NRCAM: variants seen among roughly 807,000 people sequenced by gnomAD.
NRCAM encodes neuronal cell adhesion molecule, also known as NgCAM-related cell adhesion molecule.
Under a neutral mutation model 156.5 loss-of-function variants are expected in NRCAM, and 83 were observed. That is an observed-to-expected ratio of 0.53 (90% CI 0.44 to 0.64). The LOEUF (loss-of-function observed/expected upper bound fraction) is 0.64. NRCAM is among the 30% of genes least tolerant of loss of function. NRCAM has a pLI of 0.00. For synonymous variants in NRCAM, 538 were observed against 563.9 expected, an observed-to-expected ratio of 0.95 and a Z score of 0.65; for missense variants, 1,417 against 1,597.3, an observed-to-expected ratio of 0.89 and a Z score of 1.92.
intron 13 of NRCAM, among the ~76,000 whole-genome samples, chr7:108,204,825 G>C (rs1380270170): frequency 1.3e-5 from 2 of 152,134 alleles, no homozygotes; most frequent in East Asian, 3.9e-4. Flanking sequence ...GAGACATTTA[G>C]TCCTAACTCT....
chr7:108,190,283 G>C (rs2070369354), intron 19 of NRCAM, among the ~76,000 whole-genome samples: 1 of 152,210 alleles, frequency 6.6e-6, no homozygotes, highest in Non-Finnish European at 1.5e-5. Flanking sequence ...GCATGCATAA[G>C]TGTGTTTACT....
chr7:108,227,303 T>C (rs2093632903), intron 8 of NRCAM, among the ~76,000 whole-genome samples: 1 of 152,210 alleles, frequency 6.6e-6, no homozygotes, highest in African/African-American at 2.4e-5. Context: ...TATCTTGCCT[T>C]AGGTAGGAGG....
chr7:108,200,086 GATTACC>G (rs1427583690), intron 13 of NRCAM, among the ~76,000 whole-genome samples: 1 of 152,150 alleles, frequency 6.6e-6, no homozygotes, highest in Non-Finnish European at 1.5e-5. Context: ...TCAACACTCT[GATTACC>G]ATCAGTAACT....
chr7:108,193,091 T>C (rs1242914646), intron 17 of NRCAM, among the ~76,000 whole-genome samples: 1 of 152,198 alleles, frequency 6.6e-6, no homozygotes, highest in Non-Finnish European at 1.5e-5. Context: ...GGTACAGTCA[T>C]GGCTCACTGG....
chr7:108,223,650 T>C (rs941327208), intron 11 of NRCAM, 75 bp downstream of exon 11: 2 of 702,416 alleles, frequency 2.8e-6, no homozygotes, highest in Non-Finnish European at 4.8e-6. Flanking sequence ...CCTCCTATGA[T>C]ATTATTAACC....
chr7:108,183,853 T>G (rs1052648670), intron 22 of NRCAM, among the ~76,000 whole-genome samples: 1 of 152,146 alleles, frequency 6.6e-6, no homozygotes, highest in Admixed American at 6.6e-5. Flanking sequence ...ATGATAACAC[T>G]AGCTAGCATT....
rs377052574 is a variant in NRCAM, at chr7:108,454,883, C to G, written c.-332+1360G>C. Among the ~76,000 whole-genome samples, 18 of 152,372 alleles carry G rather than the reference C, an allele frequency of 1.2e-4. No individual in the cohort carries two copies. In the East Asian group the frequency reaches 1.5e-3, roughly 13 times the overall value. ...GACTCGGAAAGGAAAAGAAAGCTTT[C>G]TTCTCAGGACAGTTCTGCGCCGGTG... On this transcript the variant is annotated intron_variant, in intron 1 of 32. Transcript: ENST00000379028.
chr7:108,455,173 C>G (rs907993867), intron 1 of NRCAM, among the ~76,000 whole-genome samples: 2 of 152,140 alleles, frequency 1.3e-5, no homozygotes, highest in African/African-American at 4.8e-5. Context: ...GGAGAAATGA[C>G]GACTCCCTTG....
intron 19 of NRCAM, among the ~76,000 whole-genome samples, chr7:108,190,608 C>A (rs767607133): frequency 6.6e-6 from 1 of 151,938 alleles, no homozygotes; most frequent in East Asian, 1.9e-4. Flanking sequence ...TTTGTATTGA[C>A]GTACTGAATA....
At chr7:108,150,787 T>C (rs746244815) in intron 32 of NRCAM, 5 of 491,968 alleles carry the variant, frequency 1.0e-5, no homozygotes, top group Middle Eastern at 3.6e-4. Context: ...ATACTGATAG[T>C]ACACAGTATT....
intron 1 of NRCAM, among the ~76,000 whole-genome samples, chr7:108,427,994 C>T (rs895580322): frequency 6.6e-6 from 1 of 152,132 alleles, no homozygotes; most frequent in Admixed American, 6.5e-5. Flanking sequence ...GATCCATGAC[C>T]TTCTAAAGTA....
intron 13 of NRCAM, among the ~76,000 whole-genome samples, chr7:108,206,535 A>T (rs781055218): frequency 6.6e-6 from 1 of 152,130 alleles, no homozygotes; most frequent in Non-Finnish European, 1.5e-5. Context: ...GGTGTCTAAG[A>T]GGAGGTCTGA....
intron 2 of NRCAM, among the ~76,000 whole-genome samples, chr7:108,375,996 C>T (rs1161039207): frequency 6.6e-6 from 1 of 152,150 alleles, no homozygotes; most frequent in East Asian, 1.9e-4. Flanking sequence ...TATTAAATTG[C>T]CATTGTCCAA....
chr7:108,433,411 T>C (rs1360342557), intron 1 of NRCAM, among the ~76,000 whole-genome samples: 1 of 152,052 alleles, frequency 6.6e-6, no homozygotes, highest in South Asian at 2.1e-4. Flanking sequence ...CTCCCCAAAG[T>C]GTGGTTTGGG....
In NRCAM at chr7:108,453,221, TC is replaced by T. The variant is rs374597025; in HGVS notation, c.-332+3021del. On this transcript the variant is annotated intron_variant, in intron 1 of 32. Coordinates refer to ENST00000379028, the MANE Select transcript of NRCAM (RefSeq NM_001037132.4). Reference sequence around the variant, plus strand: ...TTCCTGTAGAGTTCCATTCAACAGCTCCTATGTACATACACAATATAATATC... The same window carrying T: ...TTCCTGTAGAGTTCCATTCAACAGCTCTATGTACATACACAATATAATATC... Among the ~76,000 whole-genome samples, 798 of 152,342 alleles carry T rather than the reference TC, an allele frequency of 5.2e-3. 10 individuals carry two copies. Among genetic ancestry groups the T allele is most frequent in the African/African-American group, 0.019 (770 of 41,574 alleles).
chr7:108,168,208 A>C, intron 29 of NRCAM, 69 bp downstream of exon 29: 2 of 1,406,112 alleles, frequency 1.4e-6, no homozygotes. Context: ...TAAATTCTTA[A>C]GAATGTTTTT....
intron 4 of NRCAM, among the ~76,000 whole-genome samples, chr7:108,238,141 T>C (rs1370055328): frequency 1.3e-5 from 2 of 152,206 alleles, no homozygotes; most frequent in African/African-American, 2.4e-5. Context: ...AGTTGTCACA[T>C]ACTGTGTAGT....
intron 13 of NRCAM, among the ~76,000 whole-genome samples, chr7:108,198,345 T>G (rs1198303143): frequency 3.1e-4 from 47 of 152,080 alleles, no homozygotes; most frequent in Admixed American, 3.1e-3. Flanking sequence ...TATTATTTAT[T>G]TTTATTTTTA....
intron 1 of NRCAM, among the ~76,000 whole-genome samples, chr7:108,440,905 C>T (rs1271872985): frequency 1.3e-5 from 2 of 152,208 alleles, no homozygotes; most frequent in South Asian, 4.1e-4. Flanking sequence ...TGAGAACCTT[C>T]AGCTTTTAAA....
Sources: gnomAD v4.1 joint callset for allele counts (sites outside exome capture counted in the v4.1 genomes callset) on GRCh38, gnomAD v4.1.1 for gene constraint, MANE v1.5 for transcripts, NCBI Gene and HGNC (gene_info 2026-07-23, HGNC 2026-07-21) for gene names.